TJP3: variants seen among roughly 807,000 people sequenced by gnomAD.
TJP3 encodes the protein tight junction protein ZO-3.
TJP3 carries 85 observed loss-of-function variants against 104.2 expected under a neutral mutation model. The ratio of observed to expected loss-of-function variants is 0.82; its 90% CI spans 0.68 to 0.98. The LOEUF (loss-of-function observed/expected upper bound fraction) is 0.98. TJP3 is among the 50% of genes least tolerant of loss of function. TJP3 has a pLI of 0.00. For synonymous variants in TJP3, 550 were observed against 550.6 expected (o/e 1.00, Z 0.02); for missense variants, 1,367 against 1,322.8 (o/e 1.03, Z -0.52).
intron 1 of TJP3, among the ~76,000 whole-genome samples, chr19:3,714,506 C>T (rs1038937965): frequency 6.1e-4 from 92 of 152,000 alleles, no homozygotes; most frequent in African/African-American, 2.1e-3. Flanking sequence ...TGAGCACGTA[C>T]TGCATACACA....
intron 1 of TJP3, chr19:3,721,659 C>T (rs1401771465): frequency 6.0e-6 from 2 of 334,850 alleles, no homozygotes; most frequent in Non-Finnish European, 5.4e-6. Context: ...GGGAGAGAAA[C>T]CTCCGCCGCG....
At chr19:3,733,690 G>A in intron 6 of TJP3, 63 bp from the exon 7 acceptor site, 1 of 1,595,474 alleles carries the variant, frequency 6.3e-7, no homozygotes, top group Non-Finnish European at 8.6e-7. Flanking sequence ...ACACCAGGCT[G>A]TTTCTACTGT....
intron 1 of TJP3, among the ~76,000 whole-genome samples, chr19:3,723,938 G>C (rs966480855): frequency 1.3e-5 from 2 of 151,960 alleles, no homozygotes; most frequent in African/African-American, 4.8e-5. Context: ...CTCAGTGGCA[G>C]GGGCCAGCCA....
chr19:3,725,257 G>A (rs1436478985), intron 1 of TJP3, among the ~76,000 whole-genome samples: 3 of 150,392 alleles, frequency 2.0e-5, no homozygotes, highest in East Asian at 4.0e-4. Context: ...GTGAAACCCC[G>A]TCTCAAAAAC....
intron 13 of TJP3, among the ~76,000 whole-genome samples, 186 bp from the exon 14 acceptor site, chr19:3,740,366 T>G (rs1443612718): frequency 2.6e-5 from 4 of 152,074 alleles, no homozygotes; most frequent in Non-Finnish European, 5.9e-5. Flanking sequence ...CCAGCCTGAG[T>G]GACAGAGCAA....
intron 1 of TJP3, among the ~76,000 whole-genome samples, chr19:3,716,948 G>A (rs1462572270): frequency 2.2e-5 from 3 of 137,224 alleles, no homozygotes; most frequent in African/African-American, 7.6e-5. Context: ...ACAGGCGGGT[G>A]CCAACACGCC....
intron 14 of TJP3, among the ~76,000 whole-genome samples, chr19:3,742,822 C>T (rs1283908594): frequency 2.0e-5 from 3 of 150,870 alleles, no homozygotes; most frequent in East Asian, 2.0e-4. Flanking sequence ...AAAAATTAGC[C>T]GGGCGTGGTG....
At chr19:3,733,206 T>C (rs10402692) in intron 6 of TJP3, among the ~76,000 whole-genome samples, 1 of 151,778 alleles carries the variant, frequency 6.6e-6, no homozygotes, top group African/African-American at 2.4e-5. Context: ...CTGCTAATTT[T>C]TGTATTTTTA....
intron 19 of TJP3, among the ~76,000 whole-genome samples, chr19:3,748,848 CTTTTTTTTTTTTTT>C (rs71166925): frequency 2.3e-4 from 11 of 48,786 alleles, no homozygotes; most frequent in African/African-American, 9.0e-4. Context: ...TGCACCCGGC[CTTTTTTTTTTTTTT>C]TTTTTTTTTT....
At chr19:3,734,244 G>T in intron 7 of TJP3, 83 bp from the exon 8 acceptor site, 1 of 1,402,478 alleles carries the variant, frequency 7.1e-7, no homozygotes. Context: ...TTTGTTTAGA[G>T]GGGTGTTGAT....
rs765115736 is a variant in TJP3, at chr19:3,731,925, C to T, written c.614-10C>T. 1.9e-6 allele frequency: 3 copies of T among 1,610,288 alleles called. No homozygotes were observed. Among genetic ancestry groups the T allele is most frequent in the East Asian group, 2.2e-5 (1 of 44,736 alleles). On this transcript the variant is annotated splice_polypyrimidine_tract_variant and intron_variant, in intron 5 of 20. Coordinates refer to ENST00000541714, the MANE Select transcript of TJP3 (RefSeq NM_001267560.2). ...AGTCCTGCCTCAGTTTCCCTCCTCC[C>T]CCCTTACAGAGTTTGGCGTCAAGCT...
At chr19:3,728,741 CG>C (rs775563421) in intron 3 of TJP3, 28 bp downstream of exon 3, 2 of 1,607,998 alleles carry the variant, frequency 1.2e-6, no homozygotes, top group Non-Finnish European at 8.5e-7. Flanking sequence ...TGGGTTCTGG[CG>C]GGGGAGGGCA....
intron 13 of TJP3, among the ~76,000 whole-genome samples, chr19:3,739,586 G>A (rs1873942066): frequency 6.6e-6 from 1 of 152,206 alleles, no homozygotes; most frequent in African/African-American, 2.4e-5. Context: ...CCCATTTGGT[G>A]CTGGTATGAG....
At chr19:3,748,267 ATTTT>A (rs1274711670) in intron 19 of TJP3, among the ~76,000 whole-genome samples, 186 bp downstream of exon 19, 6 of 119,738 alleles carry the variant, frequency 5.0e-5, no homozygotes, top group Admixed American at 8.8e-5. Flanking sequence ...AACTTGCAGC[ATTTT>A]TTTTTTTTTT....
chr19:3,713,825 C>T (rs181593187), intron 1 of TJP3, among the ~76,000 whole-genome samples: 2,787 of 151,592 alleles, frequency 0.018, 37 homozygotes, highest in Middle Eastern at 0.031. Context: ...AAGTGATTCT[C>T]CTGCCTCAGC....
chr19:3,748,099 G>T lies in TJP3; in HGVS notation c.2610+18G>T. ...GGGCCCAGGTGCGTCGGACATGGGG[G>T]GCAGGCCTGGGAAGGGTCTCCGGAG... is the stretch of plus-strand genomic sequence containing the variant. On this transcript the variant is annotated intron_variant, in intron 19 of 20. Coordinates refer to ENST00000541714, the MANE Select transcript of TJP3 (RefSeq NM_001267560.2). 1 of 1,533,942 alleles carries T rather than the reference G, an allele frequency of 6.5e-7. No individual in the cohort carries two copies. The highest frequency in any genetic ancestry group is 8.8e-7 in the Non-Finnish European group (1 of 1,137,172).
chr19:3,734,444 C>A lies in TJP3; in HGVS notation c.986+9C>A. 1 of 1,597,194 alleles carries A rather than the reference C, an allele frequency of 6.3e-7. No individual in the cohort carries two copies. The highest frequency in any genetic ancestry group is 8.5e-7 in the Non-Finnish European group (1 of 1,173,078). ...CAGACCGACTCTCCCGTGTAAGTAT[C>A]ACCCATCGGCCAGAATGGTGATAGG... On this transcript the variant is annotated intron_variant, in intron 8 of 20. Coordinates refer to ENST00000541714, the MANE Select transcript of TJP3 (RefSeq NM_001267560.2).
intron 1 of TJP3, among the ~76,000 whole-genome samples, chr19:3,717,513 G>A (rs2036491343): frequency 6.6e-6 from 1 of 151,382 alleles, no homozygotes; most frequent in Admixed American, 6.6e-5. Flanking sequence ...TCAGCTCACT[G>A]CAACCGCCGC....
intron 1 of TJP3, among the ~76,000 whole-genome samples, chr19:3,726,564 A>C (rs1020881904): frequency 1.6e-4 from 24 of 150,726 alleles, no homozygotes; most frequent in African/African-American, 5.8e-4. Flanking sequence ...GCACCATTGC[A>C]CTCCAGCCTC....
Sources: gnomAD v4.1 joint callset for allele counts (sites outside exome capture counted in the v4.1 genomes callset) on GRCh38, gnomAD v4.1.1 for gene constraint, MANE v1.5 for transcripts, NCBI Gene and HGNC (gene_info 2026-07-23, HGNC 2026-07-21) for gene names.